The following TRIM49 variants were observed in gnomAD, a reference collection of about 807,000 sequenced individuals.
TRIM49 encodes the protein tripartite motif containing 49.
TRIM49 carries 5 observed loss-of-function variants against 27.4 expected under a neutral mutation model. The ratio of observed to expected loss-of-function variants is 0.18; its 90% CI spans 0.10 to 0.38. The LOEUF (loss-of-function observed/expected upper bound fraction) is 0.38, where lower values mean the gene tolerates loss of function less well. Ranked by LOEUF, TRIM49 falls within the 10% of genes least tolerant of loss-of-function variation. TRIM49 has a pLI of 1.00. For synonymous variants in TRIM49, 69 were observed against 166.0 expected (o/e 0.42, Z 4.49); for missense variants, 188 against 487.5 (o/e 0.39, Z 5.79).
chr11:89,773,534 G>A, the TRIM49 span, among the ~76,000 whole-genome samples: 17,640 of 122,594 alleles, frequency 0.14, 318 homozygotes, highest in East Asian at 0.3. Context: ...TACACAGCAC[G>A]GATGTGTTGG....
At chr11:89,792,673 A>C (rs1949662842), downstream of TRIM49, among the ~76,000 whole-genome samples, 1 of 152,176 alleles carries the variant, frequency 6.6e-6, no homozygotes, top group Non-Finnish European at 1.5e-5. Context: ...GAAGGCAGAA[A>C]TAAAGATGTT....
the TRIM49 span, among the ~76,000 whole-genome samples, chr11:89,791,248 A>T: frequency 6.7e-3 from 1,023 of 152,058 alleles, no homozygotes; most frequent in African/African-American, 0.022. Flanking sequence ...GGACAATGTG[A>T]AAAGACCAAA....
chr11:89,806,010 G>C (rs938204275), intron 2 of TRIM49, among the ~76,000 whole-genome samples: 2 of 150,898 alleles, frequency 1.3e-5, no homozygotes, highest in African/African-American at 5.0e-5. Flanking sequence ...ACGCGCCACA[G>C]TGCCCAGCCC....
the TRIM49 span, among the ~76,000 whole-genome samples, chr11:89,774,553 G>C: frequency 7.0e-6 from 1 of 141,870 alleles, no homozygotes; most frequent in Non-Finnish European, 1.5e-5. Context: ...CACTGGATTT[G>C]TGACTGCTGG....
At chr11:89,772,994 C>T in the TRIM49 span, among the ~76,000 whole-genome samples, 1 of 135,358 alleles carries the variant, frequency 7.4e-6, no homozygotes, top group African/African-American at 3.4e-5. Context: ...AGTTCGAGTC[C>T]AGCCTGGCCA....
At chr11:89,803,879 A>T (rs2134644008) in intron 3 of TRIM49, 86 bp from the exon 4 acceptor site, 1 of 754,350 alleles carries the variant, frequency 1.3e-6, no homozygotes, top group African/African-American at 1.8e-5. Context: ...AGCCCCTAGT[A>T]AATGGCATTT....
In TRIM49 at chr11:89,800,274, T is replaced by C. The variant is rs1415954092; in HGVS notation, c.762-461A>G. On this transcript the variant is annotated intron_variant, in intron 6 of 7. Coordinates refer to ENST00000329758, the MANE Select transcript of TRIM49 (RefSeq NM_020358.2). ...ACAGTTCTAACACTCCACAGTTTTT[T>C]TCAATCTATTTTTCAGAACTGTTAA... 3.1e-3 allele frequency among the ~76,000 whole-genome samples: 460 copies of C among 148,654 alleles called. 1 individual carries two copies. The highest frequency in any genetic ancestry group is 0.011 in the African/African-American group (431 of 38,118).
chr11:89,792,624 C>T, the TRIM49 span, among the ~76,000 whole-genome samples: 1 of 152,122 alleles, frequency 6.6e-6, no homozygotes. Context: ...GGAAACTGAA[C>T]AACCTGCTCC....
chr11:89,785,238 A>G, the TRIM49 span, among the ~76,000 whole-genome samples: 2 of 102,766 alleles, frequency 1.9e-5, 1 homozygote, highest in Non-Finnish European at 4.1e-5. Flanking sequence ...ATAAATAAAT[A>G]AATAAATAAA....
At chr11:89,770,771 C>A in the TRIM49 span, among the ~76,000 whole-genome samples, 1 of 143,502 alleles carries the variant, frequency 7.0e-6, no homozygotes, top group Non-Finnish European at 1.5e-5. Context: ...GAGGCTGAGG[C>A]AGGAGAATGG....
At chr11:89,793,358 A>T (rs1949667976), downstream of TRIM49, among the ~76,000 whole-genome samples, 1 of 152,178 alleles carries the variant, frequency 6.6e-6, no homozygotes, top group Non-Finnish European at 1.5e-5. Flanking sequence ...ATAGAAAAAG[A>T]GGGAATCCTC....
At chr11:89,790,684 G>C in the TRIM49 span, among the ~76,000 whole-genome samples, 3 of 152,146 alleles carry the variant, frequency 2.0e-5, no homozygotes, top group Admixed American at 6.5e-5. Flanking sequence ...CTGCAGCTGA[G>C]GGTCCTGACT....
chr11:89,772,999 T>C, the TRIM49 span, among the ~76,000 whole-genome samples: 1 of 135,864 alleles, frequency 7.4e-6, no homozygotes, highest in Admixed American at 6.9e-5. Context: ...GAGTCCAGCC[T>C]GGCCAACTCA....
chr11:89,804,588 C>CA (rs1949773254), intron 2 of TRIM49, 115 bp from the exon 3 acceptor site: 1 of 1,044,866 alleles, frequency 9.6e-7, no homozygotes, highest in South Asian at 1.7e-5. Context: ...CATTAAAGTA[C>CA]AACAAACTAT....
At chr11:89,797,140 C>CT (rs1227323075), downstream of TRIM49, among the ~76,000 whole-genome samples, 20 of 151,536 alleles carry the variant, frequency 1.3e-4, no homozygotes, top group African/African-American at 4.4e-4. Context: ...AAAGTGAGCA[C>CT]TTTTTTATAT....
chr11:89,802,826 C>T (rs1591514518), intron 4 of TRIM49, among the ~76,000 whole-genome samples: 1 of 150,108 alleles, frequency 6.7e-6, no homozygotes, highest in South Asian at 2.1e-4. Context: ...GATTATTCTC[C>T]AACAAAAACC....
chr11:89,787,499 C>T, the TRIM49 span: 2 of 475,902 alleles, frequency 4.2e-6, no homozygotes, highest in Non-Finnish European at 3.7e-6. Context: ...TGAGGAATCC[C>T]CAAGAGCCGG....
At chr11:89,782,078 A>G in the TRIM49 span, 11 of 1,548,750 alleles carry the variant, frequency 7.1e-6, no homozygotes, top group African/African-American at 1.4e-5. Flanking sequence ...CCTCTCCTCC[A>G]ACTGGATTCT....
rs1236215973 is a variant in TRIM49, at chr11:89,798,575, A to C, written c.914T>G (p.Ile305Ser). The change falls in exon 8 of 8, where the codon ATT becomes AGT. Residue 305 changes from isoleucine to serine, a missense_variant. By Grantham distance (142) the Ile-to-Ser change is moderately radical. Coordinates refer to ENST00000329758, the MANE Select transcript of TRIM49 (RefSeq NM_020358.2). ...ACATCCAATACACATGCTTCTCAAA[A>C]TTTCATACAGAAAGATATCATTGTT... is the stretch of plus-strand genomic sequence containing the variant. Reference protein sequence around the residue: ...EANNDIFLYEILRSMCIGCDH... With the variant: ...EANNDIFLYESLRSMCIGCDH... 6.4e-7 allele frequency: 1 copy of C among 1,550,978 alleles called. No individual in the cohort carries two copies. Among genetic ancestry groups the C allele is most frequent in the Non-Finnish European group, 8.7e-7 (1 of 1,155,494 alleles).
Sources: allele counts gnomAD v4.1 joint callset (sites outside exome capture counted in the v4.1 genomes callset), GRCh38; gene constraint gnomAD v4.1.1; transcripts MANE v1.5; gene names NCBI Gene and HGNC (gene_info 2026-07-23, HGNC 2026-07-21).